The following PECAM1 variants were observed in gnomAD, a reference collection of about 807,000 sequenced individuals.
PECAM1 encodes platelet and endothelial cell adhesion molecule 1.
In PECAM1, 8 loss-of-function variants were observed where a neutral mutation model predicts 13.8. The ratio of observed to expected loss-of-function variants is 0.58; its 90% CI spans 0.34 to 1.05. The LOEUF is 1.05. Ranked by LOEUF, PECAM1 falls within the 50% of genes least tolerant of loss-of-function variation. The pLI, the probability that PECAM1 is intolerant of heterozygous loss-of-function variation, is 0.03. For synonymous variants in PECAM1, 136 were observed against 52.6 expected (o/e 2.58, Z -6.86); for missense variants, 304 against 141.2 (o/e 2.15, Z -5.84).
chr17:64,328,702 C>A (rs1467615416), intron 15 of PECAM1, among the ~76,000 whole-genome samples: 1 of 152,186 alleles, frequency 6.6e-6, no homozygotes, highest in African/African-American at 2.4e-5. Flanking sequence ...ACAAAGGAAG[C>A]CAGGGGCCCA....
intron 13 of PECAM1, among the ~76,000 whole-genome samples, chr17:64,346,897 T>C (rs1408193026): frequency 6.6e-6 from 1 of 152,192 alleles, no homozygotes; most frequent in Non-Finnish European, 1.5e-5. Flanking sequence ...GCACTCGATA[T>C]CTTGAAACAT....
At chr17:64,388,854 G>C (rs917919648) in intron 2 of PECAM1, among the ~76,000 whole-genome samples, 3 of 152,118 alleles carry the variant, frequency 2.0e-5, no homozygotes, top group Non-Finnish European at 4.4e-5. Context: ...TTTTAGTAGA[G>C]ACGGGGTTTC....
chr17:64,337,412 G>T (rs2035307442), intron 14 of PECAM1, among the ~76,000 whole-genome samples: 1 of 152,188 alleles, frequency 6.6e-6, no homozygotes, highest in African/African-American at 2.4e-5. Context: ...TTTTTAAACT[G>T]AAATTGATTA....
chr17:64,354,096 C>T (rs1250561385), intron 9 of PECAM1, among the ~76,000 whole-genome samples: 5 of 151,978 alleles, frequency 3.3e-5, no homozygotes, highest in Non-Finnish European at 5.9e-5. Flanking sequence ...CCCATCACCA[C>T]GTCTGGCCAA....
chr17:64,345,893 G>A (rs1462727491), intron 13 of PECAM1, among the ~76,000 whole-genome samples: 2 of 151,776 alleles, frequency 1.3e-5, no homozygotes, highest in Non-Finnish European at 2.9e-5. Flanking sequence ...ACAGCCCAGC[G>A]GCTCTACGGG....
chr17:64,387,195 A>C, intron 2 of PECAM1, among the ~76,000 whole-genome samples: 1 of 152,292 alleles, frequency 6.6e-6, no homozygotes, highest in East Asian at 1.9e-4. Context: ...GGAAAGGGGT[A>C]CAGGGAGCCG....
intron 12 of PECAM1, among the ~76,000 whole-genome samples, chr17:64,348,598 G>A (rs1411838886): frequency 6.6e-6 from 1 of 151,642 alleles, no homozygotes; most frequent in Non-Finnish European, 1.5e-5. Flanking sequence ...AGTAGAGACG[G>A]GGTTAATTTT....
chr17:64,368,865 A>T (rs1270956113), intron 5 of PECAM1, among the ~76,000 whole-genome samples: 4 of 150,924 alleles, frequency 2.7e-5, no homozygotes, highest in Non-Finnish European at 5.9e-5. Flanking sequence ...AAAAGAAAAA[A>T]AAAAAAAGAA....
intron 14 of PECAM1, among the ~76,000 whole-genome samples, chr17:64,335,820 C>T (rs972971036): frequency 1.1e-4 from 17 of 152,200 alleles, no homozygotes; most frequent in Admixed American, 6.5e-5. Context: ...CCCGCCCAAC[C>T]GCAAGATAAT....
intron 12 of PECAM1, 51 bp downstream of exon 12, chr17:64,350,329 T>G (rs1195176174): frequency 2.4e-6 from 1 of 410,432 alleles, no homozygotes; most frequent in Non-Finnish European, 4.5e-6. Flanking sequence ...TATGAGTCTT[T>G]TTTTTAATGT....
At chr17:64,333,943 CA>C (rs869179014) in intron 14 of PECAM1, among the ~76,000 whole-genome samples, 120 of 69,604 alleles carry the variant, frequency 1.7e-3, no homozygotes, top group African/African-American at 6.3e-3. Context: ...GACCCTGTCT[CA>C]AAAAAAAAAA....
At chr17:64,388,769 C>T (rs2036655113) in intron 2 of PECAM1, among the ~76,000 whole-genome samples, 1 of 152,152 alleles carries the variant, frequency 6.6e-6, no homozygotes, top group Non-Finnish European at 1.5e-5. Context: ...TGGGTTCAAG[C>T]AATTCTCATG....
intron 14 of PECAM1, among the ~76,000 whole-genome samples, chr17:64,333,464 G>A (rs2143697114): frequency 6.6e-6 from 1 of 152,154 alleles, no homozygotes; most frequent in African/African-American, 2.4e-5. Context: ...GTTTTGTGGT[G>A]GGGAGGGGGC....
intron 8 of PECAM1, among the ~76,000 whole-genome samples, chr17:64,355,418 G>A (rs1410750465): frequency 6.6e-6 from 1 of 152,148 alleles, no homozygotes; most frequent in Non-Finnish European, 1.5e-5. Context: ...AGCCTCCCGA[G>A]TAGCTGGGAC....
chr17:64,360,355 G>A lies in PECAM1; in HGVS notation c.1277C>T (p.Thr426Ile). ...GATCGATTCGCAACGGACTTCGATGGTCTGTCCTTTTATGACCTCAAACTG... is the reference window on the plus strand; with the variant it reads ...GATCGATTCGCAACGGACTTCGATGATCTGTCCTTTTATGACCTCAAACTG... ...DAQFEVIKGQ[T>I]IEVRCESISG... Residue 426 changes from threonine (T) to isoleucine (I), a missense_variant, in exon 7 of 16, where the codon ACC becomes ATC. Thr to Ile is a moderately conservative substitution (Grantham distance 89, BLOSUM62 -1). Coordinates refer to ENST00000563924, the MANE Select transcript of PECAM1 (RefSeq NM_000442.5). 1 of 475,358 alleles carries A rather than the reference G, an allele frequency of 2.1e-6. No homozygotes were observed. The allele number at this position is 475,358 out of a possible 1,614,324, so 29.4% of individuals were successfully genotyped here. A position where few individuals can be genotyped will look rare whatever the true frequency, so the allele number is the denominator to read the frequency against.
chr17:64,342,099 A>C (rs2035446388), intron 13 of PECAM1, among the ~76,000 whole-genome samples: 2 of 151,726 alleles, frequency 1.3e-5, no homozygotes. Context: ...GCAGTGAGCC[A>C]AGATTGCGCC....
intron 6 of PECAM1, among the ~76,000 whole-genome samples, chr17:64,360,846 ATTT>A (rs1689621944): frequency 4.9e-5 from 4 of 81,924 alleles, no homozygotes; most frequent in Non-Finnish European, 9.0e-5. Context: ...GTGTGTGTGT[ATTT>A]GAGACAGGGT....
chr17:64,373,878 G>T (rs2036297432), intron 4 of PECAM1, among the ~76,000 whole-genome samples: 2 of 152,236 alleles, frequency 1.3e-5, no homozygotes, highest in Admixed American at 6.5e-5. Context: ...TCCCGGCTTG[G>T]CAAATGAGAC....
At chr17:64,344,832 C>T (rs904079907) in intron 13 of PECAM1, among the ~76,000 whole-genome samples, 1 of 151,988 alleles carries the variant, frequency 6.6e-6, no homozygotes, top group Non-Finnish European at 1.5e-5. Flanking sequence ...AAAAAGCTCT[C>T]CATTGCCCCC....
Sources: gnomAD v4.1 joint callset for allele counts (sites outside exome capture counted in the v4.1 genomes callset) on GRCh38, gnomAD v4.1.1 for gene constraint, MANE v1.5 for transcripts, NCBI Gene and HGNC (gene_info 2026-07-23, HGNC 2026-07-21) for gene names.